The following AJAP1 variants were observed in gnomAD, a reference collection of about 807,000 sequenced individuals.
AJAP1 encodes the protein adherens junction-associated protein 1.
Under a neutral mutation model 35.0 loss-of-function variants are expected in AJAP1, and 5 were observed. The ratio of observed to expected loss-of-function variants is 0.14; its 90% confidence interval spans 0.07 to 0.30. The LOEUF is 0.30. Ranked by LOEUF, AJAP1 falls within the 10% of genes least tolerant of loss-of-function variation. AJAP1 has a pLI of 1.00. For synonymous variants in AJAP1, 284 were observed against 249.3 expected, an observed-to-expected ratio of 1.14 and a Z score of -1.31; for missense variants, 586 against 571.0, an observed-to-expected ratio of 1.03 and a Z score of -0.27.
chr1:4,759,400 A>C (rs1222403610), intron 2 of AJAP1, among the ~76,000 whole-genome samples: 3 of 152,164 alleles, frequency 2.0e-5, no homozygotes, highest in Admixed American at 6.5e-5. Context: ...TATTGGAGGA[A>C]TCTGGCCTCT....
At chr1:4,669,830 G>A (rs1639213255) in intron 1 of AJAP1, among the ~76,000 whole-genome samples, 1 of 152,108 alleles carries the variant, frequency 6.6e-6, no homozygotes, top group South Asian at 2.1e-4. Context: ...TGGACATTTG[G>A]GTTGTTTCCA....
At chr1:4,700,221 C>G (rs1192065054) in intron 1 of AJAP1, among the ~76,000 whole-genome samples, 2 of 152,144 alleles carry the variant, frequency 1.3e-5, no homozygotes, top group Admixed American at 6.5e-5. Flanking sequence ...TCTTGCCCAC[C>G]ACCCACATGC....
intron 3 of AJAP1, among the ~76,000 whole-genome samples, chr1:4,771,436 G>A (rs573717717): frequency 2.6e-5 from 4 of 152,298 alleles, no homozygotes; most frequent in Non-Finnish European, 4.4e-5. Flanking sequence ...GGCCCTGAGC[G>A]TGAAGGGGAA....
intron 5 of AJAP1, among the ~76,000 whole-genome samples, chr1:4,781,467 TG>T (rs924727173): frequency 1.1e-4 from 17 of 152,262 alleles, no homozygotes; most frequent in African/African-American, 4.1e-4. Context: ...GGAGCCGGTC[TG>T]GCCGCATGCT....
intron 2 of AJAP1, among the ~76,000 whole-genome samples, chr1:4,724,013 T>G (rs2100287212): frequency 6.6e-6 from 1 of 152,312 alleles, no homozygotes; most frequent in South Asian, 2.1e-4. Flanking sequence ...TCTGTGTTTC[T>G]CCCCGAGGGC....
At position 4,712,008 on chromosome 1, in the gene AJAP1, G is replaced by T; in HGVS notation, c.138G>T (p.Pro46=). Residue 46 remains proline (P), a synonymous_variant, in exon 2 of 6, where the codon CCG becomes CCT. Coordinates refer to ENST00000378191, the MANE Select transcript of AJAP1 (RefSeq NM_018836.4). ...VDLPACEALG[P]GPEFWLLPRS... ...TGCCCGCCTGTGAGGCCCTGGGCCC[G>T]GGGCCGGAGTTCTGGCTCCTGCCGC... 1 of 1,594,230 alleles carries T rather than the reference G, an allele frequency of 6.3e-7. No homozygotes were observed. The highest frequency in any genetic ancestry group is 2.4e-5 in the East Asian group (1 of 42,474).
intron 1 of AJAP1, among the ~76,000 whole-genome samples, chr1:4,668,885 T>C (rs770368596): frequency 2.0e-5 from 3 of 152,178 alleles, no homozygotes; most frequent in Non-Finnish European, 4.4e-5. Context: ...ATTCCTTACG[T>C]AGGAATTCTG....
At chr1:4,755,996 T>A (rs1570200882) in intron 2 of AJAP1, among the ~76,000 whole-genome samples, 1 of 151,478 alleles carries the variant, frequency 6.6e-6, no homozygotes, top group African/African-American at 2.4e-5. Context: ...AGGGTGGGGG[T>A]TTTGGCTAAA....
chr1:4,711,462 C>A (rs536267851), intron 1 of AJAP1, among the ~76,000 whole-genome samples: 2 of 152,288 alleles, frequency 1.3e-5, no homozygotes, highest in African/African-American at 4.8e-5. Flanking sequence ...AGGTGGAGGC[C>A]GGTGTCCGCT....
chr1:4,758,187 G>T (rs1016383497), intron 2 of AJAP1, among the ~76,000 whole-genome samples: 1 of 152,114 alleles, frequency 6.6e-6, no homozygotes, highest in Non-Finnish European at 1.5e-5. Context: ...AAATTACCCA[G>T]TCTCAGTTAT....
At chr1:4,695,356 G>T (rs1639835421) in intron 1 of AJAP1, among the ~76,000 whole-genome samples, 1 of 152,172 alleles carries the variant, frequency 6.6e-6, no homozygotes, top group Admixed American at 6.5e-5. Flanking sequence ...GTTTTGCGGG[G>T]CCCATGCTGA....
intron 1 of AJAP1, among the ~76,000 whole-genome samples, chr1:4,663,189 G>A (rs10799251): frequency 0.78 from 119,356 of 152,090 alleles, 47,596 homozygotes; most frequent in African/African-American, 0.89. Context: ...GTGTTGCCCA[G>A]GCTGGTCTCA....
At chr1:4,772,853 G>A (rs1186671248) in intron 4 of AJAP1, among the ~76,000 whole-genome samples, 1 of 152,124 alleles carries the variant, frequency 6.6e-6, no homozygotes, top group African/African-American at 2.4e-5. Context: ...GGCCAGCCCC[G>A]TGGTTATTGG....
rs1642095239 is a variant in AJAP1 at position 4,783,009 on chromosome 1, AATATAC to A, written c.*530_*535del. 1 of 394,410 alleles carries A rather than the reference AATATAC, an allele frequency of 2.5e-6. No individual in the cohort carries two copies. Among genetic ancestry groups the A allele is most frequent in the Non-Finnish European group, 4.5e-6 (1 of 224,370 alleles). 24.4% of individuals were successfully genotyped at this position (394,410 alleles called of 1,614,324 possible). On this transcript the variant is annotated 3_prime_UTR_variant, in exon 6 of 6. Coordinates refer to ENST00000378191, the MANE Select transcript of AJAP1 (RefSeq NM_018836.4). Reference sequence around the variant, plus strand: ...TCCGATAGAGTCGCTATTTCTGGTTAATATACATATATAAATATATAAATACAAACA... The same window carrying A: ...TCCGATAGAGTCGCTATTTCTGGTTAATATATAAATATATAAATACAAACA...
At chr1:4,731,694 G>C (rs900187600) in intron 2 of AJAP1, among the ~76,000 whole-genome samples, 1 of 152,190 alleles carries the variant, frequency 6.6e-6, no homozygotes, top group African/African-American at 2.4e-5. Context: ...AAGCAGGCTG[G>C]TCCAGAAAGG....
intron 1 of AJAP1, among the ~76,000 whole-genome samples, chr1:4,679,378 A>G (rs907299054): frequency 2.6e-5 from 4 of 151,836 alleles, no homozygotes; most frequent in Admixed American, 6.6e-5. Context: ...GAAATATCTG[A>G]GTGATGAATG....
chr1:4,661,441 GA>G (rs1638997199), intron 1 of AJAP1, among the ~76,000 whole-genome samples: 1 of 152,230 alleles, frequency 6.6e-6, no homozygotes, highest in African/African-American at 2.4e-5. Context: ...TCACACAGGA[GA>G]AAACTGGAGC....
chr1:4,782,496 G>A lies in AJAP1; in HGVS notation c.*60-49G>A, dbSNP rs992171840. The A allele has an allele frequency of 2.4e-5, 8 of 335,930 alleles. No individual in the cohort carries two copies. The highest frequency in any genetic ancestry group is 4.2e-5 in the African/African-American group (2 of 47,524). The allele number at this position is 335,930 out of a possible 1,614,324, so 20.8% of individuals were successfully genotyped here. On this transcript the variant is annotated intron_variant, in intron 5 of 5. Transcript: ENST00000378191. The surrounding 1 kb of genome is among the most constrained non-coding windows in gnomAD (Gnocchi z 5.3). The stretch of plus-strand genomic sequence containing the variant: ...ACCGAGAACCCCACAGACTTGTCGC[G>A]CCCTCGGCGTGCTGCCATTTAATCT...
At position 4,727,133 on chromosome 1, in the gene AJAP1, A is replaced by G. The variant is rs572771612; in HGVS notation, c.829+14434A>G. On this transcript the variant is annotated intron_variant, in intron 2 of 5. Transcript: ENST00000378191. ...ATCAGCTCGGAGCTGGGGCGCACAC[A>G]GCTCTCACTGTGCCAGGCGGCCGTT... is the stretch of plus-strand genomic sequence containing the variant. Among the ~76,000 whole-genome samples, 4 of 152,332 alleles carry G rather than the reference A, an allele frequency of 2.6e-5. No individual in the cohort carries two copies. The South Asian group carries it at 8.3e-4, about 32-fold the overall frequency.
Sources: gnomAD v4.1 joint callset for allele counts (sites outside exome capture counted in the v4.1 genomes callset) on GRCh38, gnomAD v4.1.1 for gene constraint, Gnocchi (gnomAD v3.1) non-coding constraint, MANE v1.5 for transcripts, NCBI Gene and HGNC (gene_info 2026-07-23, HGNC 2026-07-21) for gene names.